STAG1: variants seen among roughly 807,000 people sequenced by gnomAD.
STAG1 encodes cohesin subunit SA-1.
A neutral mutation model predicts 170.9 loss-of-function variants in STAG1; 26 were observed. That is an observed-to-expected ratio of 0.15 (90% confidence interval 0.11 to 0.21). STAG1 has a LOEUF of 0.21. STAG1 is among the 10% of genes least tolerant of loss of function. STAG1 has a pLI of 1.00. For missense variants in STAG1, 964 were observed against 1,509.5 expected (o/e 0.64, Z 5.99); for synonymous variants, 514 against 497.7 (o/e 1.03, Z -0.44).
intron 25 of STAG1, among the ~76,000 whole-genome samples, chr3:136,364,480 C>T (rs1197840377): frequency 6.6e-6 from 1 of 151,614 alleles, no homozygotes; most frequent in East Asian, 1.9e-4. Context: ...AAAACCAAAA[C>T]AGTTAAAACT....
chr3:136,376,021 T>TAAATAAATAATTAAC (rs1560069473), intron 23 of STAG1, among the ~76,000 whole-genome samples: 3 of 144,168 alleles, frequency 2.1e-5, no homozygotes, highest in African/African-American at 7.6e-5. Context: ...ATTAACAAAA[T>TAAATAAATAATTAAC]AAAATAAAAT....
chr3:136,714,965 T>TATATATA (rs1559967677), intron 1 of STAG1, among the ~76,000 whole-genome samples: 27 of 62,298 alleles, frequency 4.3e-4, no homozygotes, highest in African/African-American at 1.2e-3. Flanking sequence ...ATATATATAT[T>TATATATA]TTATATATAT....
intron 30 of STAG1, among the ~76,000 whole-genome samples, chr3:136,341,984 T>C (rs183021728): frequency 8.5e-5 from 13 of 152,314 alleles, no homozygotes; most frequent in East Asian, 3.9e-4. Context: ...TCTAAACTTA[T>C]TGGCACATGG....
At chr3:136,371,584 T>G (rs1417502605) in intron 23 of STAG1, among the ~76,000 whole-genome samples, 1 of 152,222 alleles carries the variant, frequency 6.6e-6, no homozygotes, top group African/African-American at 2.4e-5. Flanking sequence ...GGCTAGCCAG[T>G]TTTCCCAGCA....
intron 1 of STAG1, among the ~76,000 whole-genome samples, chr3:136,707,427 C>T (rs536880043): frequency 6.6e-6 from 1 of 152,122 alleles, no homozygotes; most frequent in East Asian, 1.9e-4. Context: ...CCAACAAGCA[C>T]ATGAAAAAAT....
rs377753567 is a variant in STAG1 at position 136,475,180 on chromosome 3, C to T, written c.1027-1543G>A. Among the ~76,000 whole-genome samples the T allele has an allele frequency of 3.8e-4, 42 of 110,076 alleles. 1 individual carries two copies. The East Asian group carries it at 0.013, about 34-fold the overall frequency. 72.2% of individuals were successfully genotyped at this position (110,076 alleles called of 152,430 possible). A position where few individuals can be genotyped will look rare whatever the true frequency, so the allele number is the denominator to read the frequency against. On this transcript the variant is annotated intron_variant, in intron 10 of 33. Coordinates refer to ENST00000383202, the MANE Select transcript of STAG1 (RefSeq NM_005862.3). ...TTTTTTTTTGAGGCAGAGTCTTGCTCTTGTCACCCAGGCTGGAGTACAGTG... is the reference window on the plus strand; with the variant it reads ...TTTTTTTTTGAGGCAGAGTCTTGCTTTTGTCACCCAGGCTGGAGTACAGTG...
intron 4 of STAG1, among the ~76,000 whole-genome samples, chr3:136,575,953 G>A (rs1937440908): frequency 6.6e-6 from 1 of 152,194 alleles, no homozygotes. Flanking sequence ...ACTTTTGGTA[G>A]ATAGCAAGTC....
intron 16 of STAG1, among the ~76,000 whole-genome samples, chr3:136,424,353 G>A (rs534004346): frequency 7.1e-4 from 94 of 132,458 alleles, no homozygotes; most frequent in African/African-American, 2.7e-3. Context: ...TTTTTGAGAC[G>A]AAGTCTTGTT....
chr3:136,675,895 T>C (rs1942115053), intron 1 of STAG1, among the ~76,000 whole-genome samples: 1 of 152,260 alleles, frequency 6.6e-6, no homozygotes, highest in Admixed American at 6.5e-5. Flanking sequence ...AATTATCTAA[T>C]GATGCATTTT....
chr3:136,434,252 C>T (rs2107748196), intron 15 of STAG1, among the ~76,000 whole-genome samples: 1 of 152,116 alleles, frequency 6.6e-6, no homozygotes, highest in Admixed American at 6.5e-5. Flanking sequence ...ATTCAAATGG[C>T]AAGACCTTGA....
chr3:136,409,944 G>A (rs941278617), intron 21 of STAG1, among the ~76,000 whole-genome samples: 5 of 151,498 alleles, frequency 3.3e-5, no homozygotes, highest in East Asian at 3.9e-4. Flanking sequence ...AATTAGCTGC[G>A]GTGTGGTGGT....
intron 13 of STAG1, among the ~76,000 whole-genome samples, chr3:136,462,926 G>C (rs536254377): frequency 1.3e-5 from 2 of 152,152 alleles, no homozygotes; most frequent in South Asian, 4.1e-4. Flanking sequence ...CTATTATACA[G>C]AGAACCAATC....
chr3:136,741,530 G>A (rs545435368), intron 1 of STAG1, among the ~76,000 whole-genome samples: 6 of 152,106 alleles, frequency 3.9e-5, no homozygotes, highest in Admixed American at 6.5e-5. Context: ...GTGCGATGTC[G>A]CGATCTCAGC....
At chr3:136,349,439 C>T in intron 28 of STAG1, 76 bp from the exon 29 acceptor site, 1 of 1,105,750 alleles carries the variant, frequency 9.0e-7, no homozygotes, top group African/African-American at 1.5e-5. Context: ...TAATCTGAGG[C>T]TCTCTTTCTG....
rs185295362 is a variant in STAG1 at position 136,603,079 on chromosome 3, C to T, written c.297+1230G>A. On this transcript the variant is annotated intron_variant, in intron 4 of 33. Transcript: ENST00000383202. ...GGTAACATACATAAAAAGAAAGAAACACTAAACACCCTTAAGGGCTTCAAA... is the reference window on the plus strand; with the variant it reads ...GGTAACATACATAAAAAGAAAGAAATACTAAACACCCTTAAGGGCTTCAAA... Among the ~76,000 whole-genome samples, 16 of 152,136 alleles carry T rather than the reference C, an allele frequency of 1.1e-4. No homozygotes were observed. In the East Asian group the frequency reaches 3.1e-3, roughly 29 times the overall value.
chr3:136,446,551 T>C (rs1468316283), intron 14 of STAG1, among the ~76,000 whole-genome samples: 1 of 151,744 alleles, frequency 6.6e-6, no homozygotes, highest in Non-Finnish European at 1.5e-5. Flanking sequence ...GCATCCCGAG[T>C]AGCTGAGATG....
intron 4 of STAG1, among the ~76,000 whole-genome samples, chr3:136,573,095 C>T (rs1937329488): frequency 6.6e-6 from 1 of 151,708 alleles, no homozygotes; most frequent in Non-Finnish European, 1.5e-5. Flanking sequence ...GGGAGGGTCA[C>T]TTGAGTCCAG....
intron 1 of STAG1, among the ~76,000 whole-genome samples, chr3:136,662,178 G>A (rs566933843): frequency 9.5e-5 from 14 of 147,964 alleles, no homozygotes; most frequent in African/African-American, 3.2e-4. Flanking sequence ...TGGAGATGGA[G>A]TCTTGCTCTT....
At chr3:136,475,742 T>G (rs1336107065) in intron 10 of STAG1, among the ~76,000 whole-genome samples, 1 of 152,208 alleles carries the variant, frequency 6.6e-6, no homozygotes, top group African/African-American at 2.4e-5. Flanking sequence ...ATTTCTACAC[T>G]GGAGGGAGCA....
Sources: allele counts gnomAD v4.1 joint callset (sites outside exome capture counted in the v4.1 genomes callset), GRCh38; gene constraint gnomAD v4.1.1; transcripts MANE v1.5; gene names NCBI Gene and HGNC (gene_info 2026-07-23, HGNC 2026-07-21).